PLA2G4C: variants seen among roughly 807,000 people sequenced by gnomAD.
PLA2G4C encodes the protein phospholipase A2 group IVC.
Under a neutral mutation model 73.8 loss-of-function variants are expected in PLA2G4C, and 64 were observed. The observed-to-expected ratio is 0.87, with a 90% CI of 0.71 to 1.07. PLA2G4C has a LOEUF of 1.07. Among genes scored for constraint, PLA2G4C ranks in the 50% least tolerant of loss-of-function variants. The probability of loss-of-function intolerance (pLI) is 0.00; values close to 1 mark genes in which losing one functional copy is unlikely to be tolerated. For synonymous variants in PLA2G4C, 254 were observed against 252.1 expected (o/e 1.01, Z -0.07); for missense variants, 622 against 665.4 (o/e 0.93, Z 0.72).
chr19:48,063,573 C>T (rs1346377233), intron 13 of PLA2G4C, among the ~76,000 whole-genome samples: 6 of 127,276 alleles, frequency 4.7e-5, no homozygotes, highest in African/African-American at 9.0e-5. Flanking sequence ...CCATCCCTCC[C>T]GTCCCCCCGC....
Position 48,062,134 on chromosome 19 carries a change from A to G in PLA2G4C, c.1121T>C (p.Ile374Thr), listed in dbSNP as rs1968208060. 2 of 1,588,174 alleles carry G rather than the reference A, an allele frequency of 1.3e-6. No individual in the cohort carries two copies. Among genetic ancestry groups the G allele is most frequent in the Non-Finnish European group, 1.7e-6 (2 of 1,165,742 alleles). The stretch of plus-strand genomic sequence containing the variant: ...GTGGAGGTGCTTCCGGCTGCTCATT[A>G]TCTTGTCCCGGATGCCACCTGTGGT... ...LYKHGGIRDK[I>T]MSSRKHLHLV... The change falls in exon 14 of 17, where the codon ATA becomes ACA. Residue 374 changes from isoleucine to threonine, a missense_variant. Physicochemically the swap from Ile to Thr is moderately conservative, Grantham distance 89. Transcript: ENST00000599921.
chr19:48,064,817 G>C (rs2122499648), intron 13 of PLA2G4C: 1 of 152,204 alleles, frequency 6.6e-6, no homozygotes, highest in East Asian at 1.9e-4. Flanking sequence ...GACCATACGA[G>C]GATATGAGAA....
intron 12 of PLA2G4C, among the ~76,000 whole-genome samples, chr19:48,073,952 C>T (rs2029961032): frequency 6.6e-6 from 1 of 152,014 alleles, no homozygotes; most frequent in Admixed American, 6.6e-5. Flanking sequence ...CTGGGGATTA[C>T]ATTTCTTTTT....
intron 16 of PLA2G4C, among the ~76,000 whole-genome samples, chr19:48,052,669 C>T (rs1057391712): frequency 5.9e-5 from 9 of 152,176 alleles, no homozygotes; most frequent in African/African-American, 1.7e-4. Flanking sequence ...TCACAGATCC[C>T]AGAAGGAACC....
At chr19:48,075,166 A>G (rs143333929) in intron 11 of PLA2G4C, among the ~76,000 whole-genome samples, 4 of 147,146 alleles carry the variant, frequency 2.7e-5, no homozygotes, top group Non-Finnish European at 4.5e-5. Flanking sequence ...TTATTTATTT[A>G]TTTATTTATT....
intron 14 of PLA2G4C, among the ~76,000 whole-genome samples, chr19:48,061,173 A>C (rs1968153551): frequency 6.6e-6 from 1 of 150,530 alleles, no homozygotes; most frequent in South Asian, 2.1e-4. Context: ...CTGCAGTCCC[A>C]GCTACTTGGG....
intron 2 of PLA2G4C, among the ~76,000 whole-genome samples, chr19:48,105,809 TCCCCTTCCCTC>T (rs2032153537): frequency 7.3e-5 from 1 of 13,690 alleles, no homozygotes; most frequent in African/African-American, 2.8e-4. Context: ...CCTCCCTCCC[TCCCCTTCCCTC>T]CCCTCCCTCC....
intron 16 of PLA2G4C, among the ~76,000 whole-genome samples, chr19:48,051,569 T>TTG (rs1568418995): frequency 4.9e-5 from 3 of 61,784 alleles, no homozygotes; most frequent in South Asian, 7.6e-4. Flanking sequence ...GAGAGAGAGA[T>TTG]CGAGAGAGAG....
chr19:48,105,082 C>CAAAAAAAAAAA (rs3083068), intron 3 of PLA2G4C, among the ~76,000 whole-genome samples: 9 of 87,522 alleles, frequency 1.0e-4, no homozygotes, highest in South Asian at 4.7e-4. Context: ...GACGTTGTCT[C>CAAAAAAAAAAA]AAAAAAAAAA....
At chr19:48,064,437 A>AG (rs996347515) in intron 13 of PLA2G4C, among the ~76,000 whole-genome samples, 2 of 151,818 alleles carry the variant, frequency 1.3e-5, no homozygotes, top group Admixed American at 1.3e-4. Flanking sequence ...TCTCAAAAAA[A>AG]AAAAAAACCA....
Position 48,099,713 on chromosome 19 carries a change from G to T in PLA2G4C, c.405C>A (p.Thr135=), listed in dbSNP as rs776960852. The T allele has an allele frequency of 6.2e-7, 1 of 1,613,972 alleles. No individual in the cohort carries two copies. The highest frequency in any genetic ancestry group is 1.3e-5 in the African/African-American group (1 of 75,008). ...QAARSENYSL[T]DFWAYMVISK... ...AGATAACCATGTAGGCCCAGAAGTC[G>T]GTCAGAGAGTAATTCTCAGACCTCG... The change falls in exon 5 of 17, where the codon ACC becomes ACA. Residue 135 remains threonine (T), a synonymous_variant. Transcript: ENST00000599921.
intron 14 of PLA2G4C, 136 bp downstream of exon 14, chr19:48,061,862 T>G: frequency 1.2e-6 from 1 of 849,032 alleles, no homozygotes; most frequent in East Asian, 2.7e-5. Flanking sequence ...GGTGAGTTGA[T>G]TTGGCTCTCT....
chr19:48,048,211 T>G lies in PLA2G4C; in HGVS notation c.*132A>C, dbSNP rs1292643011. 1.5e-5 allele frequency: 10 copies of G among 660,116 alleles called. No homozygotes were observed. Among genetic ancestry groups the G allele is most frequent in the Admixed American group, 9.7e-5 (3 of 30,872 alleles). 40.9% of individuals were successfully genotyped at this position (660,116 alleles called of 1,614,324 possible). A position where few individuals can be genotyped will look rare whatever the true frequency, so the allele number is the denominator to read the frequency against. On this transcript the variant is annotated 3_prime_UTR_variant, in exon 17 of 17. Coordinates refer to ENST00000599921, the MANE Select transcript of PLA2G4C (RefSeq NM_003706.3). ...CTAGCTGGTCACTGGTGATTGGCCC[T>G]GTTAGGACAGCCAAGGTGAACTCAA...
intron 1 of PLA2G4C, chr19:48,106,765 T>G: frequency 1.8e-6 from 1 of 565,612 alleles, no homozygotes. Flanking sequence ...GGAGAAATAT[T>G]TCAAGCGCGT....
intron 6 of PLA2G4C, among the ~76,000 whole-genome samples, chr19:48,095,943 T>C (rs1196369451): frequency 6.6e-6 from 1 of 152,118 alleles, no homozygotes; most frequent in Non-Finnish European, 1.5e-5. Flanking sequence ...GAGGATTGTC[T>C]GTGGGCATAA....
At chr19:48,068,073 GC>G in intron 12 of PLA2G4C, 187 bp from the exon 13 acceptor site, 1 of 577,404 alleles carries the variant, frequency 1.7e-6, no homozygotes, top group South Asian at 2.0e-5. Context: ...GGAGGCCGAG[GC>G]AGAAGGATCA....
At position 48,054,821 on chromosome 19, in the gene PLA2G4C, C is replaced by T; in HGVS notation, c.1429+57G>A. 2.8e-6 allele frequency: 4 copies of T among 1,442,280 alleles called. No homozygotes were observed. In the South Asian group the frequency reaches 4.6e-5, roughly 17 times the overall value. The allele number at this position is 1,442,280 out of a possible 1,614,324, so 89.3% of individuals were successfully genotyped here. On this transcript the variant is annotated intron_variant, in intron 15 of 16. Transcript: ENST00000599921. ...CCAGTCTCAGGTATGTTTTTATTAG[C>T]AGTGTGAGCATGGACTAATACAGGT...
At position 48,090,181 on chromosome 19, in the gene PLA2G4C, T is replaced by G. The variant is rs530845130; in HGVS notation, c.763+183A>C. ...GAGCAACATTCCTTCCAAGGGAGTC[T>G]GTACTCTCATCCACTCTGTGGTCAT... On this transcript the variant is annotated intron_variant, in intron 8 of 16. Coordinates refer to ENST00000599921, the MANE Select transcript of PLA2G4C (RefSeq NM_003706.3). 6 of 592,574 alleles carry G rather than the reference T, an allele frequency of 1.0e-5. No homozygotes were observed. In the East Asian group the frequency reaches 1.4e-4, roughly 14 times the overall value. 36.7% of individuals were successfully genotyped at this position (592,574 alleles called of 1,614,324 possible). A position where few individuals can be genotyped will look rare whatever the true frequency, so the allele number is the denominator to read the frequency against.
At chr19:48,079,506 T>C (rs1331891598) in intron 10 of PLA2G4C, among the ~76,000 whole-genome samples, 1 of 152,176 alleles carries the variant, frequency 6.6e-6, no homozygotes, top group East Asian at 1.9e-4. Flanking sequence ...TTTCTCACCT[T>C]ATACAAAAAT....
Sources: gnomAD v4.1 joint callset for allele counts (sites outside exome capture counted in the v4.1 genomes callset) on GRCh38, gnomAD v4.1.1 for gene constraint, MANE v1.5 for transcripts, NCBI Gene and HGNC (gene_info 2026-07-23, HGNC 2026-07-21) for gene names.